TRAPPC8: variants seen among roughly 807,000 people sequenced by gnomAD.
The protein encoded by TRAPPC8 is general sporulation gene 1 homolog.
A neutral mutation model predicts 174.3 loss-of-function variants in TRAPPC8; 54 were observed. The observed-to-expected ratio is 0.31, with a 90% CI of 0.25 to 0.39. TRAPPC8 has a LOEUF of 0.39. Among genes scored for constraint, TRAPPC8 ranks in the 10% least tolerant of loss-of-function variants. TRAPPC8 has a pLI of 1.00. For synonymous variants in TRAPPC8, 630 were observed against 579.9 expected (o/e 1.09, Z -1.24); for missense variants, 1,531 against 1,699.1 (o/e 0.90, Z 1.74).
intron 2 of TRAPPC8, among the ~76,000 whole-genome samples, chr18:31,921,751 G>A (rs939923572): frequency 2.6e-5 from 4 of 152,068 alleles, no homozygotes; most frequent in African/African-American, 9.7e-5. Context: ...AAAACGGAAT[G>A]TGATTACATA....
intron 12 of TRAPPC8, among the ~76,000 whole-genome samples, chr18:31,889,994 T>C (rs1010956773): frequency 6.6e-6 from 1 of 152,206 alleles, no homozygotes; most frequent in Non-Finnish European, 1.5e-5. Flanking sequence ...ATTAACTAAA[T>C]CTTTAAAAGA....
At chr18:31,846,283 C>T (rs1598596803) in intron 26 of TRAPPC8, among the ~76,000 whole-genome samples, 2 of 152,078 alleles carry the variant, frequency 1.3e-5, no homozygotes, top group East Asian at 3.8e-4. Flanking sequence ...AATATAAAAA[C>T]CTGAACATGG....
intron 12 of TRAPPC8, among the ~76,000 whole-genome samples, chr18:31,882,158 T>C (rs1295766877): frequency 3.9e-5 from 6 of 152,194 alleles, no homozygotes; most frequent in African/African-American, 1.4e-4. Flanking sequence ...TATTCTTATG[T>C]TCATCACAGC....
chr18:31,831,901 A>T (rs187631458), intron 28 of TRAPPC8, among the ~76,000 whole-genome samples, 183 bp downstream of exon 28: 1 of 152,214 alleles, frequency 6.6e-6, no homozygotes, highest in East Asian at 1.9e-4. Context: ...TTTTATAATC[A>T]AGAAAAAAAA....
intron 12 of TRAPPC8, among the ~76,000 whole-genome samples, 185 bp downstream of exon 12, chr18:31,890,550 A>C (rs1295555202): frequency 6.6e-6 from 1 of 152,196 alleles, no homozygotes; most frequent in Non-Finnish European, 1.5e-5. Context: ...GCTTGACCAA[A>C]GTTGTGAGTA....
At position 31,857,873 on chromosome 18, in the gene TRAPPC8, G is replaced by C. The variant is rs765216193; in HGVS notation, c.2855C>G (p.Ser952Cys). ...GAAAGTAAAGAACTCTGGACGTTTA[G>C]AAACAACCTTCAATCCAGTAAGTGG... Reference protein sequence around the residue: ...KCPLTGLKVVSKRPEFFTFGG... With the variant: ...KCPLTGLKVVCKRPEFFTFGG... The change falls in exon 20 of 29, where the codon TCT becomes TGT. Residue 952 changes from serine to cysteine, a missense_variant. Ser to Cys is a moderately radical substitution (Grantham distance 112). Coordinates refer to ENST00000283351, the MANE Select transcript of TRAPPC8 (RefSeq NM_014939.5). 1 of 1,614,154 alleles carries C rather than the reference G, an allele frequency of 6.2e-7. No homozygotes were observed. Among genetic ancestry groups the C allele is most frequent in the East Asian group, 2.2e-5 (1 of 44,890 alleles).
chr18:31,843,984 C>A (rs1239569509), intron 26 of TRAPPC8, among the ~76,000 whole-genome samples: 1 of 152,144 alleles, frequency 6.6e-6, no homozygotes, highest in Admixed American at 6.5e-5. Context: ...CACTTTGTAA[C>A]CTGCAAGAAA....
intron 19 of TRAPPC8, 151 bp from the exon 20 acceptor site, chr18:31,858,133 A>C (rs1439446941): frequency 1.6e-6 from 1 of 638,226 alleles, no homozygotes; most frequent in Non-Finnish European, 2.6e-6. Flanking sequence ...GTGGCAGTTA[A>C]TGACTCCATT....
chr18:31,865,169 G>A (rs1244716891), intron 18 of TRAPPC8, among the ~76,000 whole-genome samples: 2 of 151,980 alleles, frequency 1.3e-5, no homozygotes, highest in African/African-American at 2.4e-5. Flanking sequence ...GGAAAACAAT[G>A]AAAAGGTCAA....
At chr18:31,930,471 A>ATAAACTATCCTGGCC (rs1199651323) in intron 2 of TRAPPC8, among the ~76,000 whole-genome samples, 1 of 152,218 alleles carries the variant, frequency 6.6e-6, no homozygotes, top group Non-Finnish European at 1.5e-5. Context: ...GTATTAGATT[A>ATAAACTATCCTGGCC]TAAACTATCC....
rs573574492 is a variant in TRAPPC8 at position 31,873,547 on chromosome 18, A to C, written c.1954-9T>G. Reference sequence around the variant, plus strand: ...GACAGCTGACTTACATTCTGAGAGAAATATAAAAGGGAAAAAAAGTAGTTT... The same window carrying C: ...GACAGCTGACTTACATTCTGAGAGACATATAAAAGGGAAAAAAAGTAGTTT... On this transcript the variant is annotated splice_polypyrimidine_tract_variant and intron_variant, in intron 13 of 28. Coordinates refer to ENST00000283351, the MANE Select transcript of TRAPPC8 (RefSeq NM_014939.5). The C allele has an allele frequency of 6.3e-7, 1 of 1,593,518 alleles. No homozygotes were observed. The highest frequency in any genetic ancestry group is 1.4e-5 in the African/African-American group (1 of 74,068).
In TRAPPC8 at chr18:31,942,681, G is replaced by A. The variant is rs1185362160; in HGVS notation, c.84C>T (p.Ala28=). The change falls in exon 1 of 29, where the codon GCC becomes GCT. Residue 28 remains alanine (A), a synonymous_variant. Coordinates refer to ENST00000283351, the MANE Select transcript of TRAPPC8 (RefSeq NM_014939.5). ...PCVAALCSDE[A]ERLTRLNHLS... Reference sequence around the variant, plus strand: ...GGTGATTGAGACGAGTGAGCCGCTCGGCTTCGTCGCTGCACAGCGCAGCGA... The same window carrying A: ...GGTGATTGAGACGAGTGAGCCGCTCAGCTTCGTCGCTGCACAGCGCAGCGA... 1 of 1,609,566 alleles carries A rather than the reference G, an allele frequency of 6.2e-7. No homozygotes were observed. The highest frequency in any genetic ancestry group is 8.5e-7 in the Non-Finnish European group (1 of 1,178,130).
intron 2 of TRAPPC8, among the ~76,000 whole-genome samples, chr18:31,926,068 G>A (rs181165665): frequency 1.3e-5 from 2 of 152,198 alleles, no homozygotes; most frequent in Non-Finnish European, 2.9e-5. Context: ...AGTGGGCCTC[G>A]GACAGCAACC....
chr18:31,933,194 G>A (rs2145637980), intron 1 of TRAPPC8, among the ~76,000 whole-genome samples: 1 of 151,308 alleles, frequency 6.6e-6, no homozygotes, highest in South Asian at 2.1e-4. Flanking sequence ...CCAGCTACTT[G>A]GGAGGCTGAA....
intron 1 of TRAPPC8, among the ~76,000 whole-genome samples, chr18:31,937,851 C>T (rs144231977): frequency 6.6e-6 from 1 of 152,006 alleles, no homozygotes; most frequent in African/African-American, 2.4e-5. Flanking sequence ...CTACAAGCGC[C>T]CACCACCACA....
Position 31,908,827 on chromosome 18 carries a change from T to C in TRAPPC8, c.1049A>G (p.Gln350Arg). ...CCGAAATGTGAACTCTTGTATAAAC[T>C]GTCGAATTCTATCATGATCAGTAAG... ...LTLTDHDRIR[Q>R]FIQEFTFRGL... Residue 350 changes from glutamine to arginine, a missense_variant, in exon 7 of 29, where the codon CAG becomes CGG. Physicochemically the swap from Gln to Arg is conservative, Grantham distance 43. Transcript: ENST00000283351. 6.2e-7 allele frequency: 1 copy of C among 1,613,770 alleles called. No individual in the cohort carries two copies. Among genetic ancestry groups the C allele is most frequent in the South Asian group, 1.1e-5 (1 of 91,060 alleles).
chr18:31,907,476 T>A lies in TRAPPC8; in HGVS notation c.1373A>T (p.Tyr458Phe), dbSNP rs946241867. ...AATACCAACCAAGGCACCAGCTGCA[T>A]AAAGCATTGCTTGATCATTAAGAAA... Reference protein sequence around the residue: ...KDFLNDQAMLYAAGALEMAAV... With the variant: ...KDFLNDQAMLFAAGALEMAAV... Residue 458 changes from tyrosine to phenylalanine, a missense_variant, in exon 9 of 29, where the codon TAT becomes TTT. Tyr to Phe is a conservative substitution (Grantham distance 22). Transcript: ENST00000283351. 1 of 1,603,864 alleles carries A rather than the reference T, an allele frequency of 6.2e-7. No individual in the cohort carries two copies. Among genetic ancestry groups the A allele is most frequent in the Admixed American group, 1.7e-5 (1 of 59,488 alleles).
chr18:31,870,722 C>G (rs983854724), intron 15 of TRAPPC8, among the ~76,000 whole-genome samples: 1 of 152,196 alleles, frequency 6.6e-6, no homozygotes, highest in South Asian at 2.1e-4. Flanking sequence ...ATGCCATTCC[C>G]TCTTGTATAT....
intron 19 of TRAPPC8, among the ~76,000 whole-genome samples, chr18:31,860,294 C>T (rs761885975): frequency 3.3e-5 from 5 of 151,792 alleles, no homozygotes; most frequent in Non-Finnish European, 5.9e-5. Flanking sequence ...AGTGCTTGTG[C>T]GTAAGAAATT....
Sources: gnomAD v4.1 joint callset for allele counts (sites outside exome capture counted in the v4.1 genomes callset) on GRCh38, gnomAD v4.1.1 for gene constraint, MANE v1.5 for transcripts, NCBI Gene and HGNC (gene_info 2026-07-23, HGNC 2026-07-21) for gene names.